LUZP2: variants seen among roughly 807,000 people sequenced by gnomAD.
The protein encoded by LUZP2 is leucine zipper protein 2.
LUZP2 carries 52 observed loss-of-function variants against 51.6 expected under a neutral mutation model. That is an observed-to-expected ratio of 1.01 (90% CI 0.81 to 1.27). The LOEUF (loss-of-function observed/expected upper bound fraction) is 1.27. Among genes scored for constraint, LUZP2 ranks in the 50% most tolerant of loss-of-function variants. The probability of loss-of-function intolerance (pLI) is 0.00; values close to 1 mark genes in which losing one functional copy is unlikely to be tolerated. For synonymous variants in LUZP2, 154 were observed against 137.3 expected (o/e 1.12, Z -0.85); for missense variants, 436 against 395.4 (o/e 1.10, Z -0.87).
At chr11:24,631,467 T>C (rs563898311) in intron 1 of LUZP2, among the ~76,000 whole-genome samples, 21 of 152,008 alleles carry the variant, frequency 1.4e-4, no homozygotes, top group South Asian at 4.2e-4. Context: ...TCTGTGCCTA[T>C]AGAGAGATCA....
Position 24,705,164 on chromosome 11 carries a change from T to C in LUZP2, c.63-24005T>C, listed in dbSNP as rs552265158. Among the ~76,000 whole-genome samples the C allele has an allele frequency of 2.0e-5, 3 of 152,282 alleles. No individual in the cohort carries two copies. In the East Asian group the frequency reaches 5.8e-4, roughly 29 times the overall value. On this transcript the variant is annotated intron_variant, in intron 1 of 11. Coordinates refer to ENST00000336930, the MANE Select transcript of LUZP2 (RefSeq NM_001009909.4). ...GCTCCAATACCAAAGATAGTAAAGT[T>C]TTTTAAAACCTGTCTTCCTACAACT...
intron 7 of LUZP2, among the ~76,000 whole-genome samples, chr11:24,954,241 T>C (rs185368445): frequency 2.0e-5 from 3 of 152,204 alleles, no homozygotes; most frequent in Admixed American, 2.0e-4. Context: ...TATTTTGTTA[T>C]GAGATGCTAC....
chr11:24,625,754 C>T (rs532553685), intron 1 of LUZP2, among the ~76,000 whole-genome samples: 45 of 151,060 alleles, frequency 3.0e-4, no homozygotes, highest in Non-Finnish European at 5.3e-4. Flanking sequence ...AGAATCACAG[C>T]CTTCAATTGA....
chr11:24,760,575 T>G (rs78633415), intron 4 of LUZP2, among the ~76,000 whole-genome samples: 4,106 of 152,320 alleles, frequency 0.027, 92 homozygotes, highest in Non-Finnish European at 0.042. Context: ...TTCTGTATTA[T>G]GTGTTCTTTT....
chr11:24,599,146 G>A (rs1050029837), intron 1 of LUZP2, among the ~76,000 whole-genome samples: 10 of 152,050 alleles, frequency 6.6e-5, no homozygotes, highest in African/African-American at 2.4e-4. Context: ...CATCAACAAC[G>A]TGATGAAGAC....
At chr11:24,800,469 A>T (rs953255077) in intron 5 of LUZP2, among the ~76,000 whole-genome samples, 1 of 151,804 alleles carries the variant, frequency 6.6e-6, no homozygotes, top group Non-Finnish European at 1.5e-5. Context: ...TTCCCTATAT[A>T]AGCATGTTCA....
At chr11:25,072,900 A>G (rs1374290456) in intron 10 of LUZP2, among the ~76,000 whole-genome samples, 2 of 152,094 alleles carry the variant, frequency 1.3e-5, no homozygotes, top group East Asian at 1.9e-4. Context: ...AAACATGAAT[A>G]TAGACAATTT....
rs944664848 is a variant in LUZP2, at chr11:24,583,627, A to G, written c.62+86322A>G. Among the ~76,000 whole-genome samples, 4 of 152,068 alleles carry G rather than the reference A, an allele frequency of 2.6e-5. No individual in the cohort carries two copies. In the South Asian group the frequency reaches 8.3e-4, roughly 32 times the overall value. On this transcript the variant is annotated intron_variant, in intron 1 of 11. Coordinates refer to ENST00000336930, the MANE Select transcript of LUZP2 (RefSeq NM_001009909.4). ...AGTAGACACTTTTCATCTTTCTCAT[A>G]TTCAGTCTTGTTTAGAAGAAAAATA... is the stretch of plus-strand genomic sequence containing the variant.
At chr11:24,997,840 C>G (rs1415291524) in intron 9 of LUZP2, among the ~76,000 whole-genome samples, 1 of 152,164 alleles carries the variant, frequency 6.6e-6, no homozygotes, top group Non-Finnish European at 1.5e-5. Flanking sequence ...CTACATATGG[C>G]TAGCCAGTTT....
intron 4 of LUZP2, among the ~76,000 whole-genome samples, chr11:24,749,703 ACCT>A (rs1239123869): frequency 6.6e-6 from 1 of 152,066 alleles, no homozygotes. Flanking sequence ...TCTAACTTTC[ACCT>A]CCTCCTGGGC....
At chr11:24,733,498 G>A (rs1033113394) in intron 3 of LUZP2, among the ~76,000 whole-genome samples, 1 of 151,630 alleles carries the variant, frequency 6.6e-6, no homozygotes, top group African/African-American at 2.4e-5. Context: ...AGGACGTTAT[G>A]TTAAGGTAAA....
intron 6 of LUZP2, among the ~76,000 whole-genome samples, 156 bp downstream of exon 6, chr11:24,906,209 T>A (rs1290726722): frequency 6.6e-6 from 1 of 151,938 alleles, no homozygotes; most frequent in Non-Finnish European, 1.5e-5. Flanking sequence ...CCTTTTGGTA[T>A]CTTTGTGTTT....
At chr11:24,796,176 G>A (rs900866577) in intron 5 of LUZP2, among the ~76,000 whole-genome samples, 11 of 152,030 alleles carry the variant, frequency 7.2e-5, no homozygotes, top group African/African-American at 2.2e-4. Flanking sequence ...AGGGGTATAC[G>A]TTTTAGGGGT....
At chr11:24,559,549 T>C (rs1234058506) in intron 1 of LUZP2, among the ~76,000 whole-genome samples, 1 of 152,202 alleles carries the variant, frequency 6.6e-6, no homozygotes, top group Non-Finnish European at 1.5e-5. Context: ...CAGAATATAT[T>C]CTCACATCTT....
chr11:24,738,293 C>T lies in LUZP2; in HGVS notation c.324C>T (p.His108=). 6.2e-7 allele frequency: 1 copy of T among 1,611,136 alleles called. No homozygotes were observed. Among genetic ancestry groups the T allele is most frequent in the South Asian group, 1.1e-5 (1 of 90,902 alleles). Residue 108 remains histidine, a synonymous_variant, in exon 4 of 12, where the codon CAC becomes CAT. Transcript: ENST00000336930. ...LKETSEKAEK[H]QATINFLKTE... ...AGACATCAGAGAAAGCAGAAAAACA[C>T]CAGGCTACTGTAAGTGTGTTTCTTC... is the stretch of plus-strand genomic sequence containing the variant.
chr11:24,580,541 A>T (rs572567308), intron 1 of LUZP2, among the ~76,000 whole-genome samples: 1 of 152,286 alleles, frequency 6.6e-6, no homozygotes, highest in African/African-American at 2.4e-5. Context: ...CTCCATGTTA[A>T]TCACTTTGCA....
Position 24,838,141 on chromosome 11 carries a change from G to A in LUZP2, c.397-67850G>A, listed in dbSNP as rs150805374. Among the ~76,000 whole-genome samples the A allele has an allele frequency of 3.6e-3, 551 of 151,698 alleles. 2 individuals carry two copies. The highest frequency in any genetic ancestry group is 0.012 in the African/African-American group (510 of 41,496). ...TTTCCCAATATCACATTGCTGATAT[G>A]TAGTACAGCCAAGATAAAATTACAT... is the stretch of plus-strand genomic sequence containing the variant. On this transcript the variant is annotated intron_variant, in intron 5 of 11. Transcript: ENST00000336930.
chr11:24,963,718 C>T (rs941410783), intron 7 of LUZP2, among the ~76,000 whole-genome samples: 5 of 152,268 alleles, frequency 3.3e-5, no homozygotes, highest in East Asian at 1.9e-4. Context: ...TTGTGCTTCC[C>T]GAGTGAGGCA....
intron 1 of LUZP2, among the ~76,000 whole-genome samples, chr11:24,526,390 C>A (rs370734408): frequency 6.6e-6 from 1 of 150,462 alleles, no homozygotes; most frequent in Non-Finnish European, 1.5e-5. Flanking sequence ...GATTTTGGCA[C>A]AGTTAATGAT....
Sources: gnomAD v4.1 joint callset for allele counts (sites outside exome capture counted in the v4.1 genomes callset) on GRCh38, gnomAD v4.1.1 for gene constraint, MANE v1.5 for transcripts, NCBI Gene and HGNC (gene_info 2026-07-23, HGNC 2026-07-21) for gene names.